Variants in MSI1 observed in about 807,000 individuals in gnomAD.
MSI1 encodes the protein RNA-binding protein Musashi homolog 1.
MSI1 carries 15 observed loss-of-function variants against 54.4 expected under a neutral mutation model. That is an observed-to-expected ratio of 0.28 (90% CI 0.18 to 0.42). The LOEUF is 0.42. MSI1 is among the 20% of genes least tolerant of loss of function. The probability of loss-of-function intolerance (pLI) is 1.00; values close to 1 mark genes in which losing one functional copy is unlikely to be tolerated. For synonymous variants in MSI1, 200 were observed against 196.5 expected (o/e 1.02, Z -0.15); for missense variants, 304 against 506.0 (o/e 0.60, Z 3.83).
At chr12:120,347,293 C>T (rs756560724) in intron 12 of MSI1, among the ~76,000 whole-genome samples, 153 bp downstream of exon 12, 10 of 152,204 alleles carry the variant, frequency 6.6e-5, no homozygotes, top group African/African-American at 1.2e-4. Flanking sequence ...CATGCTGGCA[C>T]GATGCCCAGC....
Position 120,359,015 on chromosome 12 carries a change from G to A in MSI1, c.441C>T (p.Asn147=). The part of the protein sequence containing the change: ...DAMLMFDKTT[N]RHRGFGFVTF... ...GGGGGCCACACTCACCTCGGTGCCG[G>A]TTGGTGGTTTTGTCAAACATCAGCA... The change falls in exon 7 of 15, where the codon AAC becomes AAT. Residue 147 remains asparagine, a synonymous_variant. Coordinates refer to ENST00000257552, the MANE Select transcript of MSI1 (RefSeq NM_002442.4). 6.4e-7 allele frequency: 1 copy of A among 1,565,602 alleles called. No homozygotes were observed. The highest frequency in any genetic ancestry group is 2.4e-5 in the East Asian group (1 of 42,464).
intron 9 of MSI1, among the ~76,000 whole-genome samples, chr12:120,354,436 C>CTT (rs35028100): frequency 1.9e-4 from 28 of 149,316 alleles, no homozygotes; most frequent in African/African-American, 4.2e-4. Context: ...TCTTTTTCCA[C>CTT]TTTTTTTTTT....
intron 5 of MSI1, 25 bp downstream of exon 5, chr12:120,364,689 T>G (rs747957039): frequency 1.1e-5 from 17 of 1,569,836 alleles, no homozygotes; most frequent in Non-Finnish European, 1.5e-5. Flanking sequence ...GTAAGAGAGC[T>G]CCTCCCAGAC....
chr12:120,353,071 GA>G (rs1323146006), intron 10 of MSI1, among the ~76,000 whole-genome samples: 2 of 145,986 alleles, frequency 1.4e-5, no homozygotes, highest in African/African-American at 2.5e-5. Context: ...TGGCCTGGGA[GA>G]AAACGGTGCC....
rs183605721 is a variant in MSI1, at chr12:120,353,383, A to T, written c.653-4T>A. On this transcript the variant is annotated splice_region_variant and splice_polypyrimidine_tract_variant and intron_variant, in intron 9 of 14. Coordinates refer to ENST00000257552, the MANE Select transcript of MSI1 (RefSeq NM_002442.4). ...GTGGCTTGGAAACCTGGGTAACCTGATGGGGCAAGGGGGCAGTGTCAGATG... is the reference window on the plus strand; with the variant it reads ...GTGGCTTGGAAACCTGGGTAACCTGTTGGGGCAAGGGGGCAGTGTCAGATG... 6.2e-7 allele frequency: 1 copy of T among 1,613,900 alleles called. No individual in the cohort carries two copies. The highest frequency in any genetic ancestry group is 1.3e-5 in the African/African-American group (1 of 74,982).
Position 120,368,648 on chromosome 12 carries a change from C to A in MSI1, c.100+185G>T, listed in dbSNP as rs1018506906. 2.0e-5 allele frequency among the ~76,000 whole-genome samples: 3 copies of A among 151,862 alleles called. No individual in the cohort carries two copies. The highest frequency in any genetic ancestry group is 4.4e-5 in the Non-Finnish European group (3 of 67,898). On this transcript the variant is annotated intron_variant, in intron 2 of 14. Coordinates refer to ENST00000257552, the MANE Select transcript of MSI1 (RefSeq NM_002442.4). This position sits in a 1 kb window ranked among gnomAD's most constrained non-coding sequence, Gnocchi z 6.6. The stretch of plus-strand genomic sequence containing the variant: ...TGAACCCCTCATCTGCTCCCCTCCA[C>A]CCGCTGGGCCGGGTGCGCTCGCGGA...
At chr12:120,340,869 T>C (rs1242642936), downstream of MSI1, among the ~76,000 whole-genome samples, 1 of 149,332 alleles carries the variant, frequency 6.7e-6, no homozygotes, top group African/African-American at 2.5e-5. Context: ...AATAAATGTG[T>C]ACGCTTTTCT....
At position 120,354,133 on chromosome 12, in the gene MSI1, G is replaced by A. The variant is rs1236797389; in HGVS notation, c.653-754C>T. On this transcript the variant is annotated intron_variant, in intron 9 of 14. Transcript: ENST00000257552. Reference sequence around the variant, plus strand: ...CCTAGTAGCTGTGACTACAAGGTGTGTGCTGCTATGCCTGGCTAATTTTTA... The same window carrying A: ...CCTAGTAGCTGTGACTACAAGGTGTATGCTGCTATGCCTGGCTAATTTTTA... Among the ~76,000 whole-genome samples, 3 of 151,800 alleles carry A rather than the reference G, an allele frequency of 2.0e-5. No homozygotes were observed. The East Asian group carries it at 5.8e-4, about 29-fold the overall frequency.
intron 13 of MSI1, 90 bp downstream of exon 13, chr12:120,346,038 TTGCCCCC>T: frequency 8.9e-7 from 1 of 1,119,552 alleles, no homozygotes; most frequent in Non-Finnish European, 1.2e-6. Flanking sequence ...CACCCTCCTT[TTGCCCCC>T]AGAGACAAAG....
In MSI1 at chr12:120,342,371, CA is replaced by C. The variant is rs1420467356; in HGVS notation, c.*755del. Reference sequence around the variant, plus strand: ...GTAACGGTGTCTGAGGGGACAGAAACAGGGGAGGGGGGAGCCCCTCACCCCC... The same window carrying C: ...GTAACGGTGTCTGAGGGGACAGAAACGGGGAGGGGGGAGCCCCTCACCCCC... On this transcript the variant is annotated 3_prime_UTR_variant, in exon 15 of 15. Transcript: ENST00000257552. The C allele has an allele frequency of 1.3e-5, 2 of 152,772 alleles. No individual in the cohort carries two copies. Among genetic ancestry groups the C allele is most frequent in the Admixed American group, 1.3e-4 (2 of 15,276 alleles). The allele number at this position is 152,772 out of a possible 1,614,324, so 9.5% of individuals were successfully genotyped here.
chr12:120,365,004 G>C (rs944786354), intron 4 of MSI1, among the ~76,000 whole-genome samples: 1 of 152,088 alleles, frequency 6.6e-6, no homozygotes, highest in Non-Finnish European at 1.5e-5. Context: ...TCTGCCTCTC[G>C]GGTTCAAGTG....
downstream of MSI1, among the ~76,000 whole-genome samples, chr12:120,339,974 G>A (rs1209101683): frequency 6.6e-6 from 1 of 151,532 alleles, no homozygotes; most frequent in Non-Finnish European, 1.5e-5. Flanking sequence ...TAGAGATGGG[G>A]TTTTACCATA....
At position 120,346,326 on chromosome 12, in the gene MSI1, G is replaced by A. The variant is rs745397038; in HGVS notation, c.860-4C>T. The A allele has an allele frequency of 8.5e-6, 13 of 1,527,476 alleles. No homozygotes were observed. In the South Asian group the frequency reaches 1.2e-4, roughly 15 times the overall value. 94.6% of individuals were successfully genotyped at this position (1,527,476 alleles called of 1,614,324 possible). A position where few individuals can be genotyped will look rare whatever the true frequency, so the allele number is the denominator to read the frequency against. On this transcript the variant is annotated splice_polypyrimidine_tract_variant and splice_region_variant and intron_variant, in intron 12 of 14. Coordinates refer to ENST00000257552, the MANE Select transcript of MSI1 (RefSeq NM_002442.4). ...GCCATCGTCCAGGGGTGAGAGCCTGGCAACCCAGAAAGAAGACGGTGATAG... is the reference window on the plus strand; with the variant it reads ...GCCATCGTCCAGGGGTGAGAGCCTGACAACCCAGAAAGAAGACGGTGATAG...
At chr12:120,351,693 C>A (rs1181398497) in intron 10 of MSI1, among the ~76,000 whole-genome samples, 2 of 143,362 alleles carry the variant, frequency 1.4e-5, no homozygotes, top group Non-Finnish European at 3.0e-5. Context: ...TGTTTCTTTT[C>A]TTTTTCTTTC....
chr12:120,366,307 C>G (rs778603659), intron 4 of MSI1, among the ~76,000 whole-genome samples: 3 of 152,226 alleles, frequency 2.0e-5, no homozygotes, highest in Non-Finnish European at 2.9e-5. Context: ...GGCTCCCCCA[C>G]TGGAATCTGT....
intron 6 of MSI1, among the ~76,000 whole-genome samples, chr12:120,362,307 A>T (rs1875726058): frequency 6.6e-6 from 1 of 152,252 alleles, no homozygotes; most frequent in East Asian, 1.9e-4. Context: ...CCCCGGCCCC[A>T]AGCAAAACAA....
chr12:120,343,453 T>TCCTCAAGCCATCCTCCTGCCTTGG (rs1873856621), intron 14 of MSI1, among the ~76,000 whole-genome samples: 1 of 152,084 alleles, frequency 6.6e-6, no homozygotes, highest in Non-Finnish European at 1.5e-5. Flanking sequence ...CAAACTCTTG[T>TCCTCAAGCCATCCTCCTGCCTTGG]CCTCAAGCCA....
At chr12:120,361,745 G>T (rs1875667369) in intron 6 of MSI1, among the ~76,000 whole-genome samples, 1 of 151,378 alleles carries the variant, frequency 6.6e-6, no homozygotes, top group African/African-American at 2.4e-5. Context: ...CCGCCGCGGG[G>T]CCCTTGGCAT....
chr12:120,358,810 C>T (rs1358172770), intron 7 of MSI1, among the ~76,000 whole-genome samples, 195 bp downstream of exon 7: 1 of 152,066 alleles, frequency 6.6e-6, no homozygotes, highest in South Asian at 2.1e-4. Context: ...CTGTTCGTCT[C>T]GTGTGTCTGC....
Sources: gnomAD v4.1 joint callset for allele counts (sites outside exome capture counted in the v4.1 genomes callset) on GRCh38, gnomAD v4.1.1 for gene constraint, Gnocchi (gnomAD v3.1) non-coding constraint, MANE v1.5 for transcripts, NCBI Gene and HGNC (gene_info 2026-07-23, HGNC 2026-07-21) for gene names.